INTS14: variants seen among roughly 807,000 people sequenced by gnomAD.
The protein encoded by INTS14 is UPF0464 protein C15orf44.
A neutral mutation model predicts 56.9 loss-of-function variants in INTS14; 27 were observed. The ratio of observed to expected loss-of-function variants is 0.47; its 90% CI spans 0.35 to 0.65. The LOEUF (loss-of-function observed/expected upper bound fraction) is 0.65, where lower values mean the gene tolerates loss of function less well. Ranked by LOEUF, INTS14 falls within the 30% of genes least tolerant of loss-of-function variation. INTS14 has a pLI of 0.00. For synonymous variants in INTS14, 207 were observed against 236.2 expected (o/e 0.88, Z 1.13); for missense variants, 517 against 632.2 (o/e 0.82, Z 1.95).
chr15:65,599,742 A>G (rs756553732), intron 4 of INTS14, 32 bp downstream of exon 4: 2 of 1,607,672 alleles, frequency 1.2e-6, no homozygotes, highest in African/African-American at 1.3e-5. Flanking sequence ...AAATATGCCT[A>G]ATCAAACTAA....
At chr15:65,609,521 TATCAC>T (rs2073787882) in intron 1 of INTS14, among the ~76,000 whole-genome samples, 1 of 152,186 alleles carries the variant, frequency 6.6e-6, no homozygotes, top group African/African-American at 2.4e-5. Flanking sequence ...CCTCAAAACT[TATCAC>T]AGTAACTGGC....
chr15:65,595,253 C>T (rs1432221666), intron 7 of INTS14, among the ~76,000 whole-genome samples: 1 of 152,148 alleles, frequency 6.6e-6, no homozygotes, highest in Non-Finnish European at 1.5e-5. Flanking sequence ...ATATATGCTG[C>T]AGTAAGGAGG....
chr15:65,589,843 C>A (rs995331499), intron 9 of INTS14, among the ~76,000 whole-genome samples: 1 of 152,152 alleles, frequency 6.6e-6, no homozygotes, highest in Non-Finnish European at 1.5e-5. Flanking sequence ...GATAGGCTTA[C>A]AACCTAAAAT....
intron 3 of INTS14, among the ~76,000 whole-genome samples, chr15:65,603,992 ACAAATTTCCAGTTATCTTTTT>A (rs2073543475): frequency 2.0e-5 from 3 of 152,246 alleles, no homozygotes. Context: ...TCTGTATAGA[ACAAATTTCCAGTTATCTTTTT>A]CTGCTACTAC....
chr15:65,578,896 TTAAGAGTTACCACCACA>T lies in INTS14; in HGVS notation c.*495_*511del, dbSNP rs1239652866. The T allele has an allele frequency of 6.6e-6, 1 of 152,484 alleles. No homozygotes were observed. Among genetic ancestry groups the T allele is most frequent in the African/African-American group, 2.4e-5 (1 of 41,446 alleles). The allele number at this position is 152,484 out of a possible 1,614,324, so 9.4% of individuals were successfully genotyped here. On this transcript the variant is annotated 3_prime_UTR_variant, in exon 12 of 12. Transcript: ENST00000313182. ...GAATCTCAAGAGATACCAAAAGCACTTAAGAGTTACCACCACATTTTGCCCAAGTTCTAAGGAAAGTT... is the reference window on the plus strand; with the variant it reads ...GAATCTCAAGAGATACCAAAAGCACTTTTTGCCCAAGTTCTAAGGAAAGTT...
Position 65,595,516 on chromosome 15 carries a change from C to T in INTS14, c.841+217G>A, listed in dbSNP as rs536466078. 2.0e-5 allele frequency among the ~76,000 whole-genome samples: 3 copies of T among 152,368 alleles called. No homozygotes were observed. In the East Asian group the frequency reaches 5.8e-4, roughly 29 times the overall value. On this transcript the variant is annotated intron_variant, in intron 7 of 11. Transcript: ENST00000313182. The stretch of plus-strand genomic sequence containing the variant: ...AAAGAGGACCTCCACTGTCAATTCA[C>T]AAACCAACACACAGTAAATATGTGT...
chr15:65,580,671 T>A (rs755586635), intron 11 of INTS14, among the ~76,000 whole-genome samples: 14 of 152,248 alleles, frequency 9.2e-5, no homozygotes, highest in Non-Finnish European at 1.3e-4. Context: ...GTTAAGATGC[T>A]AGCCTAAGGC....
chr15:65,590,678 G>A (rs1380374734), intron 9 of INTS14, among the ~76,000 whole-genome samples: 2 of 152,130 alleles, frequency 1.3e-5, no homozygotes, highest in Non-Finnish European at 2.9e-5. Flanking sequence ...TCTCCTCCAG[G>A]CTAACTCTGA....
At chr15:65,605,989 C>T (rs1311856640) in intron 2 of INTS14, among the ~76,000 whole-genome samples, 4 of 152,148 alleles carry the variant, frequency 2.6e-5, no homozygotes, top group South Asian at 4.1e-4. Flanking sequence ...GGCGCGGTGG[C>T]TCACGCCTGT....
chr15:65,599,981 G>A (rs750755700), intron 3 of INTS14, 52 bp from the exon 4 acceptor site: 7 of 1,567,826 alleles, frequency 4.5e-6, no homozygotes, highest in East Asian at 2.2e-5. Flanking sequence ...CATATTTAAC[G>A]CAGTCCCATT....
At chr15:65,603,053 TACTG>T (rs1449641031) in intron 3 of INTS14, among the ~76,000 whole-genome samples, 2 of 152,220 alleles carry the variant, frequency 1.3e-5, no homozygotes, top group African/African-American at 2.4e-5. Flanking sequence ...GTTCAGAAGA[TACTG>T]ACAACAAAAC....
chr15:65,610,949 A>G, intron 1 of INTS14, 149 bp downstream of exon 1: 1 of 1,472,252 alleles, frequency 6.8e-7, no homozygotes, highest in Non-Finnish European at 8.9e-7. Flanking sequence ...GCGCCCCGGA[A>G]CTGGCGCCTC....
At chr15:65,590,766 GCA>G (rs970935693) in intron 9 of INTS14, among the ~76,000 whole-genome samples, 21 of 152,174 alleles carry the variant, frequency 1.4e-4, no homozygotes, top group African/African-American at 5.1e-4. Context: ...CTTAGGCCTG[GCA>G]CAGAATAGGT....
chr15:65,599,681 TATATACA>T, intron 4 of INTS14, 86 bp downstream of exon 4: 1 of 1,362,492 alleles, frequency 7.3e-7, no homozygotes, highest in South Asian at 1.4e-5. Flanking sequence ...AATGCTACAG[TATATACA>T]ATATAGCACT....
intron 11 of INTS14, among the ~76,000 whole-genome samples, chr15:65,579,949 A>G (rs1240673272): frequency 3.3e-5 from 5 of 152,180 alleles, no homozygotes; most frequent in African/African-American, 1.2e-4. Flanking sequence ...CTTTGCATCC[A>G]TCATTTCGTT....
At chr15:65,592,469 G>T (rs964740919) in intron 8 of INTS14, among the ~76,000 whole-genome samples, 1 of 152,132 alleles carries the variant, frequency 6.6e-6, no homozygotes, top group Non-Finnish European at 1.5e-5. Flanking sequence ...AAAAGCTAAC[G>T]GGGTTTCCTC....
At chr15:65,608,966 C>T (rs2073754698) in intron 1 of INTS14, among the ~76,000 whole-genome samples, 1 of 152,232 alleles carries the variant, frequency 6.6e-6, no homozygotes, top group Non-Finnish European at 1.5e-5. Flanking sequence ...GGCGCGATCT[C>T]CGCTCACTGC....
At chr15:65,587,719 G>A (rs1438548206) in intron 9 of INTS14, among the ~76,000 whole-genome samples, 3 of 152,120 alleles carry the variant, frequency 2.0e-5, no homozygotes, top group Non-Finnish European at 4.4e-5. Context: ...GGTGGCTCAC[G>A]CCTGTAATCC....
Position 65,610,587 on chromosome 15 carries a change from A to G in INTS14, c.-63+511T>C. ...AGTGTCCATCAGCTAGACGTTTGTA[A>G]TTCTTCCCTGAAGGTGATAATTAGC... On this transcript the variant is annotated intron_variant, in intron 1 of 11. Coordinates refer to ENST00000313182, the MANE Select transcript of INTS14 (RefSeq NM_001394796.1). The G allele has an allele frequency of 2.2e-6, 3 of 1,378,626 alleles. No homozygotes were observed. In the South Asian group the frequency reaches 3.7e-5, roughly 17 times the overall value. The allele number at this position is 1,378,626 out of a possible 1,614,324, so 85.4% of individuals were successfully genotyped here.
Sources: allele counts gnomAD v4.1 joint callset (sites outside exome capture counted in the v4.1 genomes callset), GRCh38; gene constraint gnomAD v4.1.1; transcripts MANE v1.5; gene names NCBI Gene and HGNC (gene_info 2026-07-23, HGNC 2026-07-21).